Variants in SEPSECS observed in about 807,000 individuals in gnomAD.
SEPSECS encodes O-phosphoseryl-tRNA(Sec) selenium transferase.
Under a neutral mutation model 52.1 loss-of-function variants are expected in SEPSECS, and 42 were observed. That is an observed-to-expected ratio of 0.81 (90% CI 0.63 to 1.04). The LOEUF is 1.04. Ranked by LOEUF, SEPSECS falls within the 50% of genes least tolerant of loss-of-function variation. The probability of loss-of-function intolerance (pLI) is 0.00; values close to 1 mark genes in which losing one functional copy is unlikely to be tolerated. For missense variants in SEPSECS, 590 were observed against 610.6 expected (o/e 0.97, Z 0.36); for synonymous variants, 216 against 211.4 (o/e 1.02, Z -0.19).
intron 6 of SEPSECS, among the ~76,000 whole-genome samples, chr4:25,150,847 A>C (rs573166169): frequency 7.9e-5 from 12 of 152,080 alleles, no homozygotes; most frequent in Non-Finnish European, 1.5e-4. Flanking sequence ...TTCTAGAAAA[A>C]ATACAAAAAG....
intron 8 of SEPSECS, among the ~76,000 whole-genome samples, chr4:25,141,233 T>G (rs1711527727): frequency 6.6e-6 from 1 of 152,162 alleles, no homozygotes; most frequent in Non-Finnish European, 1.5e-5. Context: ...CTTGTTGCTT[T>G]TCTCAGACCT....
chr4:25,144,856 G>A lies in SEPSECS; in HGVS notation c.944C>T (p.Ser315Leu). Residue 315 changes from serine (S) to leucine (L), a missense_variant, in exon 8 of 11, where the codon TCA (serine) becomes TTA (leucine). Physicochemically the swap from Ser to Leu is moderately radical, Grantham distance 145. Transcript: ENST00000382103. Reference sequence around the variant, plus strand: ...AAGGACATCTAAAGAAGGTGAAGCTGAAGCTCTTCCTGAAATAAGAAGGAT... The same window carrying A: ...AAGGACATCTAAAGAAGGTGAAGCTAAAGCTCTTCCTGAAATAAGAAGGAT... ...EISKMYPGRA[S>L]ASPSLDVLIT... is the part of the protein sequence containing the mutation. The A allele has an allele frequency of 6.2e-7, 1 of 1,612,314 alleles. No homozygotes were observed. The highest frequency in any genetic ancestry group is 8.5e-7 in the Non-Finnish European group (1 of 1,178,534).
intron 3 of SEPSECS, 47 bp from the exon 4 acceptor site, chr4:25,156,242 C>G (rs1712626331): frequency 6.0e-6 from 9 of 1,512,012 alleles, no homozygotes; most frequent in Non-Finnish European, 8.3e-6. Context: ...GCTAAGCACC[C>G]AGCATCCTTC....
At chr4:25,158,695 C>T (rs1560338009) in intron 2 of SEPSECS, among the ~76,000 whole-genome samples, 2 of 152,150 alleles carry the variant, frequency 1.3e-5, no homozygotes, top group East Asian at 3.9e-4. Context: ...CCTAAGAAAA[C>T]GTATAGCCTG....
intron 5 of SEPSECS, among the ~76,000 whole-genome samples, chr4:25,152,963 C>T (rs750171838): frequency 7.9e-5 from 12 of 151,778 alleles, no homozygotes; most frequent in Non-Finnish European, 1.6e-4. Context: ...TTTGAATTAC[C>T]GATTTACGCA....
rs1728334868 is a variant in SEPSECS at position 25,125,736 on chromosome 4, T to A, written c.1169A>T (p.Gln390Leu). The change falls in exon 10 of 11, where the codon CAG becomes CTG. Residue 390 changes from glutamine to leucine, a missense_variant. Physicochemically the swap from Gln to Leu is moderately radical, Grantham distance 113. Transcript: ENST00000382103. ...TCTGGTAAAAAGCATCGAGCCAAGC[T>A]GAGTGACAGCTTTGTCACGGTGTTC... ...LDEHRDKAVT[Q>L]LGSMLFTRQV... 6.2e-7 allele frequency: 1 copy of A among 1,613,334 alleles called. No individual in the cohort carries two copies. The highest frequency in any genetic ancestry group is 1.3e-5 in the African/African-American group (1 of 75,022).
intron 8 of SEPSECS, among the ~76,000 whole-genome samples, chr4:25,132,896 C>T (rs1422567958): frequency 1.3e-5 from 2 of 152,156 alleles, no homozygotes; most frequent in African/African-American, 4.8e-5. Context: ...ACTTTAGCAT[C>T]ACACAGACCT....
rs1728113294 is a variant in SEPSECS, at chr4:25,121,238, G to A, written c.*2693C>T. 6.6e-6 allele frequency: 1 copy of A among 152,086 alleles called. No homozygotes were observed. Among genetic ancestry groups the A allele is most frequent in the Non-Finnish European group, 1.5e-5 (1 of 67,970 alleles). 9.4% of individuals were successfully genotyped at this position (152,086 alleles called of 1,614,324 possible). A position where few individuals can be genotyped will look rare whatever the true frequency, so the allele number is the denominator to read the frequency against. On this transcript the variant is annotated 3_prime_UTR_variant, in exon 11 of 11. Transcript: ENST00000382103. The stretch of plus-strand genomic sequence containing the variant: ...CAGCAGAGGACCTAAGAACCAAACT[G>A]CGAGTTTGATTTAAAATTCCCTTCC...
chr4:25,128,608 T>C (rs1055977120), intron 8 of SEPSECS, among the ~76,000 whole-genome samples: 46 of 152,128 alleles, frequency 3.0e-4, no homozygotes, highest in African/African-American at 1.1e-3. Flanking sequence ...TACAGGTAAA[T>C]ATGAAGTTGG....
chr4:25,125,897 C>T (rs1041538281), intron 9 of SEPSECS, 113 bp from the exon 10 acceptor site: 4 of 734,064 alleles, frequency 5.4e-6, no homozygotes, highest in Non-Finnish European at 9.8e-6. Flanking sequence ...TCAAGTGGCA[C>T]AATTTCACTT....
chr4:25,131,978 C>T (rs1300872590), intron 8 of SEPSECS, among the ~76,000 whole-genome samples: 1 of 152,186 alleles, frequency 6.6e-6, no homozygotes, highest in Non-Finnish European at 1.5e-5. Context: ...TACAGTCTTA[C>T]ATTTTCACCT....
At position 25,123,968 on chromosome 4, in the gene SEPSECS, T is replaced by A; in HGVS notation, c.1469A>T (p.Asn490Ile). The change falls in exon 11 of 11, where the codon AAT becomes ATT. Residue 490 changes from asparagine (N) to isoleucine (I), a missense_variant. Physicochemically the swap from Asn to Ile is moderately radical, Grantham distance 149 (BLOSUM62 -3). Transcript: ENST00000382103. ...DIEEMALKLD[N>I]VLLDTYQDAS... is the part of the protein sequence containing the mutation. ...ATCCTGGTATGTGTCAAGAAGTACA[T>A]TATCTAGTTTTAAAGCCATTTCTTC... 1 of 1,613,550 alleles carries A rather than the reference T, an allele frequency of 6.2e-7. No homozygotes were observed. The highest frequency in any genetic ancestry group is 8.5e-7 in the Non-Finnish European group (1 of 1,179,518).
intron 8 of SEPSECS, among the ~76,000 whole-genome samples, chr4:25,138,988 C>G (rs926584606): frequency 6.6e-6 from 1 of 152,212 alleles, no homozygotes; most frequent in Admixed American, 6.5e-5. Context: ...CACAGTTGTA[C>G]TAGCCATCAG....
intron 6 of SEPSECS, among the ~76,000 whole-genome samples, chr4:25,148,397 C>T (rs1435617849): frequency 1.4e-5 from 2 of 142,340 alleles, no homozygotes; most frequent in Non-Finnish European, 3.0e-5. Context: ...ATGCCTGACA[C>T]ATGGAGAGTG....
At chr4:25,154,738 C>A (rs1712513637) in intron 5 of SEPSECS, among the ~76,000 whole-genome samples, 1 of 151,908 alleles carries the variant, frequency 6.6e-6, no homozygotes, top group Admixed American at 6.6e-5. Context: ...GGACAAAGAG[C>A]AAGAAAACAG....
At chr4:25,136,137 C>T (rs1444575449) in intron 8 of SEPSECS, among the ~76,000 whole-genome samples, 1 of 152,138 alleles carries the variant, frequency 6.6e-6, no homozygotes, top group African/African-American at 2.4e-5. Context: ...CCCTTGAAAA[C>T]CAGCTCAAGA....
chr4:25,142,926 A>C (rs1303508959), intron 8 of SEPSECS, among the ~76,000 whole-genome samples: 1 of 152,184 alleles, frequency 6.6e-6, no homozygotes, highest in African/African-American at 2.4e-5. Context: ...GTCTTTCACA[A>C]ATGGGGAAAT....
rs142338876 is a variant in SEPSECS at position 25,156,192 on chromosome 4, A to G, written c.392T>C (p.Val131Ala). 6.4e-5 allele frequency: 104 copies of G among 1,613,840 alleles called. No individual in the cohort carries two copies. The African/African-American group carries it at 1.2e-3, about 19-fold the overall frequency. ...TACAAAGCAGTTGGCTACTGTATGG[A>G]CACCTACAAATAAGAAGCAAAACAG... ...LVLDIIKLAG[V>A]HTVANCFVVP... Residue 131 changes from valine (V) to alanine (A), a missense_variant, in exon 4 of 11, where the codon GTC becomes GCC. Coordinates refer to ENST00000382103, the MANE Select transcript of SEPSECS (RefSeq NM_016955.4).
At chr4:25,132,832 C>T (rs549396335) in intron 8 of SEPSECS, among the ~76,000 whole-genome samples, 51 of 152,280 alleles carry the variant, frequency 3.3e-4, no homozygotes, top group Non-Finnish European at 6.3e-4. Flanking sequence ...CCCTCAACAA[C>T]GGATGAGTGA....
Sources: allele counts gnomAD v4.1 joint callset (sites outside exome capture counted in the v4.1 genomes callset), GRCh38; gene constraint gnomAD v4.1.1; transcripts MANE v1.5; gene names NCBI Gene and HGNC (gene_info 2026-07-23, HGNC 2026-07-21).